Variants in RUNDC3B observed in about 807,000 individuals in gnomAD.
RUNDC3B encodes the protein RUN domain-containing protein 3B.
Under a neutral mutation model 58.4 loss-of-function variants are expected in RUNDC3B, and 33 were observed. That is an observed-to-expected ratio of 0.56 (90% CI 0.43 to 0.75). RUNDC3B has a LOEUF of 0.75. Ranked by LOEUF, RUNDC3B falls within the 30% of genes least tolerant of loss-of-function variation. The pLI is 0.00. For missense variants in RUNDC3B, 501 were observed against 535.7 expected, an observed-to-expected ratio of 0.94 and a Z score of 0.64; for synonymous variants, 193 against 195.2, an observed-to-expected ratio of 0.99 and a Z score of 0.10.
At chr7:87,779,241 C>A (rs1388738111) in intron 8 of RUNDC3B, among the ~76,000 whole-genome samples, 1 of 152,082 alleles carries the variant, frequency 6.6e-6, no homozygotes, top group Non-Finnish European at 1.5e-5. Flanking sequence ...AATTTTGTTT[C>A]TTTGGTACTG....
At position 87,715,246 on chromosome 7, in the gene RUNDC3B, AATTAT is replaced by A. The variant is rs1181549996; in HGVS notation, c.458+4599_458+4603del. The stretch of plus-strand genomic sequence containing the variant: ...TAATATATAAGGACTTTATATATAT[AATTAT>A]ATTATATATAATTAATTTATAATAA... On this transcript the variant is annotated intron_variant, in intron 4 of 10. Coordinates refer to ENST00000394654, the MANE Select transcript of RUNDC3B (RefSeq NM_001134405.2). Among the ~76,000 whole-genome samples the A allele has an allele frequency of 5.6e-4, 77 of 136,440 alleles. 2 individuals are homozygous for A. The East Asian group carries it at 0.011, about 20-fold the overall frequency. 89.5% of individuals were successfully genotyped at this position (136,440 alleles called of 152,430 possible).
intron 2 of RUNDC3B, among the ~76,000 whole-genome samples, chr7:87,660,693 C>T (rs1824611962): frequency 6.6e-6 from 1 of 151,822 alleles, no homozygotes; most frequent in Non-Finnish European, 1.5e-5. Context: ...ATGTTGGACT[C>T]TTAGCAGATT....
intron 8 of RUNDC3B, among the ~76,000 whole-genome samples, chr7:87,784,462 TTTTTGTGTC>T (rs1835098970): frequency 6.6e-6 from 1 of 152,020 alleles, no homozygotes; most frequent in Non-Finnish European, 1.5e-5. Context: ...GTTGGCTTTG[TTTTTGTGTC>T]TTTTCAGAGG....
chr7:87,725,243 C>T (rs1831149366), intron 4 of RUNDC3B, among the ~76,000 whole-genome samples: 1 of 152,136 alleles, frequency 6.6e-6, no homozygotes, highest in African/African-American at 2.4e-5. Context: ...CTCCCCACTC[C>T]CCGCACCCCA....
intron 6 of RUNDC3B, among the ~76,000 whole-genome samples, chr7:87,745,298 C>G (rs1298607970): frequency 2.0e-5 from 3 of 151,962 alleles, no homozygotes; most frequent in African/African-American, 7.2e-5. Context: ...TATGTCCTTT[C>G]CTGGTTTTGG....
intron 6 of RUNDC3B, among the ~76,000 whole-genome samples, chr7:87,753,144 T>G (rs1833127145): frequency 6.6e-6 from 1 of 151,798 alleles, no homozygotes; most frequent in South Asian, 2.1e-4. Flanking sequence ...CAGTAGTCAT[T>G]CAGGAGCAGG....
intron 3 of RUNDC3B, among the ~76,000 whole-genome samples, chr7:87,703,061 A>G (rs541036076): frequency 6.6e-6 from 1 of 152,334 alleles, no homozygotes; most frequent in East Asian, 1.9e-4. Context: ...TTTAGAAATT[A>G]CAGAATGAAA....
At chr7:87,767,024 T>C (rs1017960163) in intron 6 of RUNDC3B, among the ~76,000 whole-genome samples, 1 of 152,182 alleles carries the variant, frequency 6.6e-6, no homozygotes, top group Non-Finnish European at 1.5e-5. Flanking sequence ...CTTGGTCTTT[T>C]ATACTGTTAA....
rs180856178 is a variant in RUNDC3B, at chr7:87,638,923, C to T, written c.122+9978C>T. ...ATCCCAGCACTTTGGGAGGCCAAGG[C>T]GGGTGGATCACGAGGTCAGGAGATC... is the stretch of plus-strand genomic sequence containing the variant. On this transcript the variant is annotated intron_variant, in intron 1 of 10. Transcript: ENST00000394654. Among the ~76,000 whole-genome samples the T allele has an allele frequency of 2.1e-3, 326 of 151,992 alleles. 3 individuals are homozygous for T. Among genetic ancestry groups the T allele is most frequent in the African/African-American group, 7.6e-3 (316 of 41,490 alleles).
chr7:87,646,654 G>C (rs1232348680), intron 1 of RUNDC3B, among the ~76,000 whole-genome samples: 1 of 152,024 alleles, frequency 6.6e-6, no homozygotes, highest in Non-Finnish European at 1.5e-5. Context: ...TGGAGATTGT[G>C]TGCTTTTTAT....
intron 2 of RUNDC3B, among the ~76,000 whole-genome samples, chr7:87,678,236 G>A (rs1305783061): frequency 1.3e-5 from 2 of 152,152 alleles, no homozygotes; most frequent in East Asian, 3.8e-4. Flanking sequence ...TTACAGGTGT[G>A]AGCCACCATG....
intron 2 of RUNDC3B, among the ~76,000 whole-genome samples, chr7:87,665,739 T>A (rs1380951818): frequency 6.6e-6 from 1 of 152,096 alleles, no homozygotes; most frequent in African/African-American, 2.4e-5. Context: ...CTCATCCTTC[T>A]TTCCATGTGT....
chr7:87,644,452 G>C (rs1248394016), intron 1 of RUNDC3B, among the ~76,000 whole-genome samples: 2 of 152,200 alleles, frequency 1.3e-5, no homozygotes, highest in African/African-American at 2.4e-5. Flanking sequence ...GTTTGAAATA[G>C]TGGAGAGTTC....
intron 6 of RUNDC3B, among the ~76,000 whole-genome samples, chr7:87,750,444 G>A (rs1199813677): frequency 1.3e-5 from 2 of 151,448 alleles, no homozygotes; most frequent in Admixed American, 1.3e-4. Context: ...GATCCCTGAG[G>A]AATCGCCACA....
intron 4 of RUNDC3B, chr7:87,713,459 TG>T (rs1830272091): frequency 6.6e-6 from 1 of 152,136 alleles, no homozygotes; most frequent in Non-Finnish European, 1.5e-5. Context: ...TACATGACTA[TG>T]GCTCCAAAGC....
intron 4 of RUNDC3B, among the ~76,000 whole-genome samples, chr7:87,720,883 A>G (rs1830841822): frequency 1.3e-4 from 1 of 7,930 alleles, no homozygotes; most frequent in African/African-American, 5.1e-4. Context: ...TACAGGCGTG[A>G]GCCCTCGTGT....
chr7:87,647,953 G>A (rs937597120), intron 1 of RUNDC3B, among the ~76,000 whole-genome samples: 4 of 152,128 alleles, frequency 2.6e-5, no homozygotes, highest in East Asian at 3.9e-4. Context: ...GGGAGGCCAA[G>A]GCAGGTGGAT....
chr7:87,734,371 A>G (rs902281616), intron 4 of RUNDC3B, among the ~76,000 whole-genome samples: 4 of 152,196 alleles, frequency 2.6e-5, no homozygotes, highest in Non-Finnish European at 5.9e-5. Flanking sequence ...TGCCACATGG[A>G]TGAACCTTGA....
chr7:87,692,071 A>G (rs1828064691), intron 2 of RUNDC3B, among the ~76,000 whole-genome samples: 1 of 152,204 alleles, frequency 6.6e-6, no homozygotes, highest in South Asian at 2.1e-4. Flanking sequence ...TGAAAAATTT[A>G]AGAAAATTTT....
Sources: gnomAD v4.1 joint callset for allele counts (sites outside exome capture counted in the v4.1 genomes callset) on GRCh38, gnomAD v4.1.1 for gene constraint, MANE v1.5 for transcripts, NCBI Gene and HGNC (gene_info 2026-07-23, HGNC 2026-07-21) for gene names.